The following MTR variants were observed in gnomAD, a reference collection of about 807,000 sequenced individuals.
The protein encoded by MTR is methionine synthase.
Under a neutral mutation model 154.8 loss-of-function variants are expected in MTR, and 84 were observed. That is an observed-to-expected ratio of 0.54 (90% CI 0.45 to 0.65). The LOEUF is 0.65. Among genes scored for constraint, MTR ranks in the 30% least tolerant of loss-of-function variants. The probability of loss-of-function intolerance (pLI) is 0.00; values close to 1 mark genes in which losing one functional copy is unlikely to be tolerated. For missense variants in MTR, 1,275 were observed against 1,570.2 expected, an observed-to-expected ratio of 0.81 and a Z score of 3.18; for synonymous variants, 554 against 553.9, an observed-to-expected ratio of 1.00 and a Z score of 0.00.
At chr1:236,841,993 G>A (rs1169286158) in intron 15 of MTR, among the ~76,000 whole-genome samples, 11 of 151,450 alleles carry the variant, frequency 7.3e-5, no homozygotes, top group Middle Eastern at 3.4e-3. Context: ...CGGGGTTCAC[G>A]CCATTCTCCT....
chr1:236,824,324 G>A, intron 9 of MTR, 105 bp downstream of exon 9: 1 of 1,004,374 alleles, frequency 1.0e-6, no homozygotes, highest in South Asian at 1.3e-5. Flanking sequence ...TGCCGGTGTT[G>A]GTATAGTTGA....
At chr1:236,896,350 G>A (rs905788588) in intron 31 of MTR, among the ~76,000 whole-genome samples, 1 of 152,210 alleles carries the variant, frequency 6.6e-6, no homozygotes, top group African/African-American at 2.4e-5. Flanking sequence ...CATGAGCTGT[G>A]CTGAATCTGC....
intron 27 of MTR, among the ~76,000 whole-genome samples, chr1:236,886,735 G>T (rs1180364505): frequency 5.3e-5 from 8 of 152,234 alleles, no homozygotes; most frequent in African/African-American, 1.9e-4. Context: ...TTTCCTCTGT[G>T]CTGTGCTTGC....
At position 236,866,518 on chromosome 1, in the gene MTR, T is replaced by C. The variant is rs192233351; in HGVS notation, c.2405+2964T>C. On this transcript the variant is annotated intron_variant, in intron 22 of 32. Coordinates refer to ENST00000366577, the MANE Select transcript of MTR (RefSeq NM_000254.3). ...ACTCTGTAATGGCCTTGTAATCCTCTAAGTGTTTAAGTGAAAAGAAGAGTC... is the reference window on the plus strand; with the variant it reads ...ACTCTGTAATGGCCTTGTAATCCTCCAAGTGTTTAAGTGAAAAGAAGAGTC... Among the ~76,000 whole-genome samples, 308 of 152,262 alleles carry C rather than the reference T, an allele frequency of 2.0e-3. 1 individual carries two copies. Among genetic ancestry groups the C allele is most frequent in the African/African-American group, 5.8e-3 (241 of 41,544 alleles).
chr1:236,842,782 A>ATG (rs1375252410), intron 15 of MTR, among the ~76,000 whole-genome samples: 11 of 86,352 alleles, frequency 1.3e-4, no homozygotes, highest in Non-Finnish European at 1.5e-4. Flanking sequence ...AAAAAAAAAG[A>ATG]TGTATATATA....
At chr1:236,835,119 T>C (rs921608322) in intron 13 of MTR, among the ~76,000 whole-genome samples, 2 of 151,898 alleles carry the variant, frequency 1.3e-5, no homozygotes, top group Non-Finnish European at 2.9e-5. Flanking sequence ...TTGAGCTGGG[T>C]CTTAAACAAT....
At chr1:236,894,798 T>C in intron 30 of MTR, 1 of 559,388 alleles carries the variant, frequency 1.8e-6, no homozygotes, top group Non-Finnish European at 3.2e-6. Flanking sequence ...TGGCTGTTGC[T>C]CTTAGAGCCT....
chr1:236,880,437 G>A (rs1237448575), intron 24 of MTR, among the ~76,000 whole-genome samples: 1 of 152,120 alleles, frequency 6.6e-6, no homozygotes, highest in Non-Finnish European at 1.5e-5. Flanking sequence ...GATTTCCTGG[G>A]CCTGGTTACC....
At chr1:236,809,139 CTGT>C (rs1385082460) in intron 4 of MTR, among the ~76,000 whole-genome samples, 2 of 152,202 alleles carry the variant, frequency 1.3e-5, no homozygotes, top group African/African-American at 4.8e-5. Context: ...ATGATCTTGG[CTGT>C]TATTAGGATA....
chr1:236,868,753 C>T (rs1272970286), intron 22 of MTR, among the ~76,000 whole-genome samples: 5 of 152,074 alleles, frequency 3.3e-5, no homozygotes, highest in Non-Finnish European at 5.9e-5. Flanking sequence ...GTCTAGTATA[C>T]GTAAAAGAGC....
intron 22 of MTR, among the ~76,000 whole-genome samples, chr1:236,865,044 T>C (rs1324151804): frequency 6.6e-6 from 1 of 152,218 alleles, no homozygotes; most frequent in Admixed American, 6.5e-5. Flanking sequence ...GAGAGTATTA[T>C]ACTAGCAATG....
intron 13 of MTR, among the ~76,000 whole-genome samples, chr1:236,832,475 G>C (rs536036032): frequency 6.6e-6 from 1 of 152,238 alleles, no homozygotes; most frequent in African/African-American, 2.4e-5. Flanking sequence ...AACGCTGACT[G>C]TTGAGGGTAT....
chr1:236,875,298 CAGAA>C (rs1437902627), intron 24 of MTR, among the ~76,000 whole-genome samples: 1 of 152,134 alleles, frequency 6.6e-6, no homozygotes, highest in Non-Finnish European at 1.5e-5. Context: ...AGTTTGGAGA[CAGAA>C]AGCCCATCTA....
At position 236,900,164 on chromosome 1, in the gene MTR, A is replaced by C. The variant is rs1451264583; in HGVS notation, c.*2520A>C. The C allele has an allele frequency of 2.4e-6, 1 of 410,498 alleles. No homozygotes were observed. Among genetic ancestry groups the C allele is most frequent in the South Asian group, 1.8e-5 (1 of 55,926 alleles). 25.4% of individuals were successfully genotyped at this position (410,498 alleles called of 1,614,324 possible). A position where few individuals can be genotyped will look rare whatever the true frequency, so the allele number is the denominator to read the frequency against. On this transcript the variant is annotated 3_prime_UTR_variant, in exon 33 of 33. Coordinates refer to ENST00000366577, the MANE Select transcript of MTR (RefSeq NM_000254.3). ...TTAATAACTGGAAAAAGTGAAATGTATGTCTGTCTACAGGAAAATAGGTGA... is the reference window on the plus strand; with the variant it reads ...TTAATAACTGGAAAAAGTGAAATGTCTGTCTGTCTACAGGAAAATAGGTGA...
chr1:236,881,273 C>G (rs1419187456), intron 25 of MTR, among the ~76,000 whole-genome samples: 2 of 152,168 alleles, frequency 1.3e-5, no homozygotes, highest in African/African-American at 4.8e-5. Context: ...ATTTAAAACC[C>G]AGAACAGTGG....
chr1:236,860,063 CCAGCTG>C, intron 19 of MTR, 141 bp downstream of exon 19: 8 of 391,680 alleles, frequency 2.0e-5, no homozygotes, highest in South Asian at 4.0e-5. Context: ...TTGCTGTCCC[CCAGCTG>C]CCCCCCCCCC....
At chr1:236,850,275 G>T in intron 15 of MTR, 69 bp from the exon 16 acceptor site, 2 of 971,720 alleles carry the variant, frequency 2.1e-6, no homozygotes, top group East Asian at 3.1e-5. Flanking sequence ...AAAATAACAG[G>T]TATTTAATAT....
At chr1:236,813,426 T>G (rs1172801606) in intron 6 of MTR, among the ~76,000 whole-genome samples, 1 of 152,224 alleles carries the variant, frequency 6.6e-6, no homozygotes, top group Non-Finnish European at 1.5e-5. Context: ...GGTATATGCG[T>G]TGTTAATTTT....
intron 15 of MTR, among the ~76,000 whole-genome samples, chr1:236,840,305 G>A (rs973654265): frequency 2.0e-5 from 3 of 152,176 alleles, no homozygotes; most frequent in Admixed American, 6.5e-5. Flanking sequence ...CATATAAACT[G>A]TGGGTATGTA....
Sources: allele counts gnomAD v4.1 joint callset (sites outside exome capture counted in the v4.1 genomes callset), GRCh38; gene constraint gnomAD v4.1.1; transcripts MANE v1.5; gene names NCBI Gene and HGNC (gene_info 2026-07-23, HGNC 2026-07-21).